The following GPC6 variants were observed in gnomAD, a reference collection of about 807,000 sequenced individuals.
GPC6 encodes the protein glypican 6, also known as glypican-6.
Under a neutral mutation model 55.2 loss-of-function variants are expected in GPC6, and 14 were observed. The observed-to-expected ratio is 0.25, with a 90% CI of 0.17 to 0.40. The LOEUF is 0.40. GPC6 is among the 10% of genes least tolerant of loss of function. The pLI is 1.00. For synonymous variants in GPC6, 278 were observed against 259.6 expected (o/e 1.07, Z -0.68); for missense variants, 641 against 708.5 (o/e 0.90, Z 1.08).
At chr13:94,214,534 A>G (rs1234980149) in intron 4 of GPC6, among the ~76,000 whole-genome samples, 1 of 152,208 alleles carries the variant, frequency 6.6e-6, no homozygotes, top group Non-Finnish European at 1.5e-5. Flanking sequence ...TAGGTAGGCA[A>G]AGAATCCAGC....
At chr13:93,231,256 T>G (rs1301468201) in intron 1 of GPC6, among the ~76,000 whole-genome samples, 1 of 149,514 alleles carries the variant, frequency 6.7e-6, no homozygotes, top group Non-Finnish European at 1.5e-5. Context: ...CCTTACAGTA[T>G]TAAACATTCA....
At chr13:93,861,220 T>TAA (rs964587308) in intron 3 of GPC6, among the ~76,000 whole-genome samples, 2 of 144,402 alleles carry the variant, frequency 1.4e-5, no homozygotes, top group African/African-American at 5.0e-5. Context: ...TTCACAGTAG[T>TAA]AAAAAAAAAA....
At chr13:94,207,276 GCACTAAGA>G in intron 4 of GPC6, among the ~76,000 whole-genome samples, 1 of 152,160 alleles carries the variant, frequency 6.6e-6, no homozygotes, top group South Asian at 2.1e-4. Flanking sequence ...TTACTATACC[GCACTAAGA>G]CAAATCCTGG....
chr13:93,851,992 A>G (rs1229045877), intron 3 of GPC6, among the ~76,000 whole-genome samples: 1 of 151,770 alleles, frequency 6.6e-6, no homozygotes, highest in Non-Finnish European at 1.5e-5. Flanking sequence ...AAGACTAAGA[A>G]TAGTCTATAA....
intron 2 of GPC6, among the ~76,000 whole-genome samples, chr13:93,590,877 GT>G (rs1877431887): frequency 6.6e-6 from 1 of 151,976 alleles, no homozygotes; most frequent in African/African-American, 2.4e-5. Context: ...GACAGTTACT[GT>G]TTTTTAAAAA....
intron 1 of GPC6, among the ~76,000 whole-genome samples, chr13:93,434,178 C>A (rs1877478212): frequency 6.6e-6 from 1 of 152,154 alleles, no homozygotes; most frequent in African/African-American, 2.4e-5. Flanking sequence ...GCCCATGCAA[C>A]CGTTCTCACA....
At chr13:93,376,453 G>A (rs1874902089) in intron 1 of GPC6, among the ~76,000 whole-genome samples, 1 of 152,104 alleles carries the variant, frequency 6.6e-6, no homozygotes, top group Admixed American at 6.6e-5. Flanking sequence ...ATATCAAGCA[G>A]GTTAATTCTG....
chr13:93,225,761 C>A (rs1173583655), upstream of GPC6, among the ~76,000 whole-genome samples: 2 of 152,132 alleles, frequency 1.3e-5, no homozygotes, highest in African/African-American at 2.4e-5. Flanking sequence ...TTCATATCAT[C>A]ATCAGGAAAA....
rs753526947 is a variant in GPC6 at position 93,830,367 on chromosome 13, C to T, written c.533C>T (p.Pro178Leu). The T allele has an allele frequency of 6.2e-7, 1 of 1,613,826 alleles. No homozygotes were observed. The highest frequency in any genetic ancestry group is 2.2e-5 in the East Asian group (1 of 44,834). The change falls in exon 3 of 9, where the codon CCT (proline) becomes CTT (leucine). Residue 178 changes from proline (P) to leucine (L), a missense_variant. Physicochemically the swap from Pro to Leu is moderately conservative, Grantham distance 98 (BLOSUM62 -3). Coordinates refer to ENST00000377047, the MANE Select transcript of GPC6 (RefSeq NM_005708.5). ...LLERMFQLIN[P>L]QYHFSEDYLE... ...GAACGGATGTTTCAGCTGATAAACC[C>T]TCAGTATCACTTCAGTGAAGACTAC... is the stretch of plus-strand genomic sequence containing the variant.
intron 4 of GPC6, among the ~76,000 whole-genome samples, chr13:94,252,010 G>A (rs1566594923): frequency 6.6e-6 from 1 of 152,082 alleles, no homozygotes; most frequent in African/African-American, 2.4e-5. Flanking sequence ...TTCCCCAGTA[G>A]GCTCTGGCTT....
intron 4 of GPC6, among the ~76,000 whole-genome samples, chr13:94,164,179 A>G (rs1420808373): frequency 6.6e-6 from 1 of 152,188 alleles, no homozygotes; most frequent in African/African-American, 2.4e-5. Flanking sequence ...TACTCGTTTT[A>G]TATTATCTAT....
At chr13:93,763,595 C>A (rs1479635072) in intron 2 of GPC6, among the ~76,000 whole-genome samples, 1 of 152,328 alleles carries the variant, frequency 6.6e-6, no homozygotes, top group Admixed American at 6.5e-5. Context: ...ATATAGTCCT[C>A]AAAGACATCC....
At chr13:94,116,877 A>G (rs1886449490) in intron 4 of GPC6, among the ~76,000 whole-genome samples, 1 of 152,184 alleles carries the variant, frequency 6.6e-6, no homozygotes, top group Non-Finnish European at 1.5e-5. Flanking sequence ...GCATGTTAAC[A>G]TCAACTTCTT....
intron 2 of GPC6, among the ~76,000 whole-genome samples, chr13:93,685,746 C>T (rs921093501): frequency 2.0e-5 from 3 of 152,072 alleles, no homozygotes; most frequent in Admixed American, 1.3e-4. Flanking sequence ...AAACAAACAG[C>T]TCTTTTCCTA....
chr13:93,393,631 TC>T (rs1227507204), intron 1 of GPC6, among the ~76,000 whole-genome samples: 94 of 147,454 alleles, frequency 6.4e-4, no homozygotes, highest in Non-Finnish European at 9.5e-4. Context: ...TTAGACCTGT[TC>T]TCTCTCTCTC....
At position 94,211,459 on chromosome 13, in the gene GPC6, G is replaced by A. The variant is rs1334109375; in HGVS notation, c.878-74890G>A. On this transcript the variant is annotated intron_variant, in intron 4 of 8. Coordinates refer to ENST00000377047, the MANE Select transcript of GPC6 (RefSeq NM_005708.5). Reference sequence around the variant, plus strand: ...TTTGTCTCATAGCATAGAAAGCAAAGGTTATTTTTGTCAATTATGAGTAAT... The same window carrying A: ...TTTGTCTCATAGCATAGAAAGCAAAAGTTATTTTTGTCAATTATGAGTAAT... Among the ~76,000 whole-genome samples the A allele has an allele frequency of 2.0e-5, 3 of 152,064 alleles. No individual in the cohort carries two copies. In the East Asian group the frequency reaches 5.8e-4, roughly 29 times the overall value.
chr13:93,506,935 C>T (rs1880746143), intron 1 of GPC6, among the ~76,000 whole-genome samples: 1 of 150,628 alleles, frequency 6.6e-6, no homozygotes, highest in African/African-American at 2.4e-5. Context: ...GCGGCGGGCG[C>T]CTGTAGTCCC....
At chr13:94,141,218 G>A (rs781728180) in intron 4 of GPC6, among the ~76,000 whole-genome samples, 11 of 152,132 alleles carry the variant, frequency 7.2e-5, no homozygotes, top group Non-Finnish European at 1.3e-4. Context: ...CAAAAAGGTA[G>A]GATATCTTGA....
intron 2 of GPC6, among the ~76,000 whole-genome samples, chr13:93,693,045 G>A (rs1375770178): frequency 1.3e-5 from 2 of 151,910 alleles, no homozygotes; most frequent in African/African-American, 4.8e-5. Flanking sequence ...AATAATAAAG[G>A]ACTATGTAAT....
Sources: allele counts gnomAD v4.1 joint callset (sites outside exome capture counted in the v4.1 genomes callset), GRCh38; gene constraint gnomAD v4.1.1; transcripts MANE v1.5; gene names NCBI Gene and HGNC (gene_info 2026-07-23, HGNC 2026-07-21).